Variants in ELMOD3 observed in about 807,000 individuals in gnomAD.
ELMOD3 encodes the protein ELMO domain-containing protein 3.
In ELMOD3, 36 loss-of-function variants were observed where a neutral mutation model predicts 47.4. That is an observed-to-expected ratio of 0.76 (90% CI 0.58 to 1.00). ELMOD3 has a LOEUF of 1.00. Among genes scored for constraint, ELMOD3 ranks in the 50% least tolerant of loss-of-function variants. The probability of loss-of-function intolerance (pLI) is 0.00; values close to 1 mark genes in which losing one functional copy is unlikely to be tolerated. For missense variants in ELMOD3, 404 were observed against 463.8 expected, an observed-to-expected ratio of 0.87 and a Z score of 1.18; for synonymous variants, 149 against 183.5, an observed-to-expected ratio of 0.81 and a Z score of 1.52.
In ELMOD3 at chr2:85,361,724, T is replaced by C. The variant is rs912347832; in HGVS notation, c.55-462T>C. On this transcript the variant is annotated intron_variant, in intron 4 of 13. Coordinates refer to ENST00000409013, the MANE Select transcript of ELMOD3 (RefSeq NM_001135022.2). ...GCGGGTGGATCATGAGGTCAGGAGA[T>C]CGAGACCATCCTGGCTAACACGGTG... Among the ~76,000 whole-genome samples, 4 of 151,988 alleles carry C rather than the reference T, an allele frequency of 2.6e-5. No individual in the cohort carries two copies. The East Asian group carries it at 5.8e-4, about 22-fold the overall frequency.
At chr2:85,370,353 C>A (rs1293910580) in intron 8 of ELMOD3, among the ~76,000 whole-genome samples, 1 of 151,340 alleles carries the variant, frequency 6.6e-6, no homozygotes, top group Non-Finnish European at 1.5e-5. Context: ...GTCACTTGAA[C>A]CCAGGAGTTC....
At chr2:85,383,045 C>T (rs1283681925) in intron 11 of ELMOD3, among the ~76,000 whole-genome samples, 1 of 148,376 alleles carries the variant, frequency 6.7e-6, no homozygotes, top group African/African-American at 2.5e-5. Context: ...GGAAATCTTA[C>T]CTTCCTTGTT....
chr2:85,377,432 G>A lies in ELMOD3; in HGVS notation c.696G>A (p.Pro232=), dbSNP rs756600649. 2.1e-5 allele frequency: 34 copies of A among 1,610,076 alleles called. No individual in the cohort carries two copies. In the East Asian group the frequency reaches 3.6e-4, roughly 17 times the overall value. ...LYLVMDSKTL[P]MAQEIFRLSR... ...TGGTGATGGACTCAAAGACCTTGCC[G>A]ATGGCGCAGGAGATTTTCCGCCTGT... The change falls in exon 11 of 14, where the codon CCG becomes CCA. Residue 232 remains proline (P), a synonymous_variant. Coordinates refer to ENST00000409013, the MANE Select transcript of ELMOD3 (RefSeq NM_001135022.2).
intron 8 of ELMOD3, among the ~76,000 whole-genome samples, chr2:85,370,683 T>TA (rs1684730353): frequency 6.6e-6 from 1 of 152,180 alleles, no homozygotes; most frequent in African/African-American, 2.4e-5. Flanking sequence ...AGATTCCAGC[T>TA]ACCCCTCAGA....
In ELMOD3 at chr2:85,364,368, G is replaced by A. The variant is rs1201139762; in HGVS notation, c.199+1202G>A. On this transcript the variant is annotated intron_variant, in intron 6 of 13. Coordinates refer to ENST00000409013, the MANE Select transcript of ELMOD3 (RefSeq NM_001135022.2). The stretch of plus-strand genomic sequence containing the variant: ...TGGGAGGCTGAAGCAGGCAAATCAC[G>A]AGGTCAGGAGTTCAAGACCAGCCTG... 2.6e-5 allele frequency among the ~76,000 whole-genome samples: 4 copies of A among 151,796 alleles called. No homozygotes were observed. In the East Asian group the frequency reaches 5.8e-4, roughly 22 times the overall value.
intron 12 of ELMOD3, 34 bp from the exon 13 acceptor site, chr2:85,390,104 C>G: frequency 6.3e-7 from 1 of 1,584,862 alleles, no homozygotes; most frequent in East Asian, 2.2e-5. Flanking sequence ...CCTTCATCCA[C>G]CGCTGAGCAG....
intron 11 of ELMOD3, 172 bp from the exon 12 acceptor site, chr2:85,389,579 T>G: frequency 1.6e-6 from 1 of 623,030 alleles, no homozygotes; most frequent in South Asian, 1.9e-5. Context: ...TGAGCCTTAG[T>G]TCCTCATCTG....
At chr2:85,362,610 C>T (rs930562350) in intron 5 of ELMOD3, among the ~76,000 whole-genome samples, 2 of 152,130 alleles carry the variant, frequency 1.3e-5, no homozygotes, top group African/African-American at 4.8e-5. Flanking sequence ...TAAAGTTTTC[C>T]AGGTACCTCA....
chr2:85,358,393 C>G (rs1683712925), intron 4 of ELMOD3, among the ~76,000 whole-genome samples: 1 of 151,882 alleles, frequency 6.6e-6, no homozygotes, highest in Admixed American at 6.6e-5. Context: ...AGGTGTGAGA[C>G]AGCATTGTAG....
chr2:85,377,237 A>C, intron 10 of ELMOD3, 107 bp from the exon 11 acceptor site: 1 of 1,056,282 alleles, frequency 9.5e-7, no homozygotes. Flanking sequence ...TGTGCTGCTC[A>C]TGCTCCGCTA....
In ELMOD3 at chr2:85,390,230, G is replaced by A. The variant is rs148789800; in HGVS notation, c.908G>A (p.Arg303Gln). 61 of 1,614,034 alleles carry A rather than the reference G, an allele frequency of 3.8e-5. No individual in the cohort carries two copies. Among genetic ancestry groups the A allele is most frequent in the Middle Eastern group, 1.6e-4 (1 of 6,084 alleles). Residue 303 changes from arginine (R) to glutamine (Q), a missense_variant, in exon 13 of 14, where the codon CGG (arginine) becomes CAG (glutamine). Coordinates refer to ENST00000409013, the MANE Select transcript of ELMOD3 (RefSeq NM_001135022.2). ...CTCGCACATGTCTGGAGGACACAGC[G>A]GAAGACCATCTCAGACTCGGGCTTT... Reference protein sequence around the residue: ...LHLAHVWRTQRKTISDSGFVL... With the variant: ...LHLAHVWRTQQKTISDSGFVL...
In ELMOD3 at chr2:85,371,223, G is replaced by A. The variant is rs375552296; in HGVS notation, c.484+14G>A. The A allele has an allele frequency of 3.2e-5, 52 of 1,614,176 alleles. No individual in the cohort carries two copies. Among genetic ancestry groups the A allele is most frequent in the East Asian group, 8.9e-5 (4 of 44,890 alleles). On this transcript the variant is annotated intron_variant, in intron 9 of 13. Coordinates refer to ENST00000409013, the MANE Select transcript of ELMOD3 (RefSeq NM_001135022.2). Reference sequence around the variant, plus strand: ...CCATTGCTCAGTGTGAGTGCAATGCGAGCCCACAGGGCAGTTGCTGCATCT... The same window carrying A: ...CCATTGCTCAGTGTGAGTGCAATGCAAGCCCACAGGGCAGTTGCTGCATCT...
chr2:85,357,101 T>TG lies in ELMOD3; in HGVS notation c.-96dup. ...CCAAGGAAGGCAAAGGTAGAGCAAC[T>TG]GGATCTCTGGCTCTCCACATAGCTT... On this transcript the variant is annotated 5_prime_UTR_variant, in exon 4 of 14. Coordinates refer to ENST00000409013, the MANE Select transcript of ELMOD3 (RefSeq NM_001135022.2). 2 of 794,578 alleles carry TG rather than the reference T, an allele frequency of 2.5e-6. No individual in the cohort carries two copies. Among genetic ancestry groups the TG allele is most frequent in the Non-Finnish European group, 4.2e-6 (2 of 480,870 alleles). 49.2% of individuals were successfully genotyped at this position (794,578 alleles called of 1,614,324 possible).
chr2:85,362,389 T>C lies in ELMOD3; in HGVS notation c.129+129T>C, dbSNP rs114287948. On this transcript the variant is annotated intron_variant, in intron 5 of 13. Coordinates refer to ENST00000409013, the MANE Select transcript of ELMOD3 (RefSeq NM_001135022.2). ...GACCTTAGCTTCCAAGAGCTCACAC[T>C]TGAGGGGAGTGAGGGGAGGGTGTAT... is the stretch of plus-strand genomic sequence containing the variant. 4.0e-3 allele frequency: 2,737 copies of C among 677,582 alleles called. 60 individuals carry two copies. The African/African-American group carries it at 0.043, about 11-fold the overall frequency. 42.0% of individuals were successfully genotyped at this position (677,582 alleles called of 1,614,324 possible).
intron 11 of ELMOD3, among the ~76,000 whole-genome samples, chr2:85,387,522 C>T (rs1180956217): frequency 2.6e-5 from 4 of 151,866 alleles, no homozygotes; most frequent in Non-Finnish European, 5.9e-5. Flanking sequence ...ATTAGCTGGG[C>T]GTGGTGGCAC....
intron 4 of ELMOD3, chr2:85,360,968 T>C (rs191690920): frequency 6.4e-6 from 1 of 155,188 alleles, no homozygotes; most frequent in East Asian, 1.9e-4. Context: ...AGTAACAAAC[T>C]ATAGAAATGA....
At chr2:85,362,129 T>A in intron 4 of ELMOD3, 57 bp from the exon 5 acceptor site, 1 of 1,063,064 alleles carries the variant, frequency 9.4e-7, no homozygotes, top group Non-Finnish European at 1.5e-6. Flanking sequence ...ACATTTAAAC[T>A]ATTATCTTTG....
At chr2:85,377,885 G>T (rs961797383) in intron 11 of ELMOD3, among the ~76,000 whole-genome samples, 3 of 152,170 alleles carry the variant, frequency 2.0e-5, no homozygotes, top group African/African-American at 7.2e-5. Context: ...CTTTACTGCT[G>T]TGTCCGGTTT....
intron 6 of ELMOD3, among the ~76,000 whole-genome samples, chr2:85,364,804 C>CATATATATATATATATAT (rs1224340659): frequency 2.2e-4 from 17 of 78,066 alleles, no homozygotes; most frequent in African/African-American, 3.5e-4. Flanking sequence ...ACTTTAAATA[C>CATATATATATATATATAT]ATATATATAT....
Sources: gnomAD v4.1 joint callset for allele counts (sites outside exome capture counted in the v4.1 genomes callset) on GRCh38, gnomAD v4.1.1 for gene constraint, MANE v1.5 for transcripts, NCBI Gene and HGNC (gene_info 2026-07-23, HGNC 2026-07-21) for gene names.